Variants in DMD observed in about 807,000 individuals in gnomAD.
DMD encodes dystrophin, also known as mutant dystrophin.
Under a neutral mutation model 330.1 loss-of-function variants are expected in DMD, and 63 were observed. The observed-to-expected ratio is 0.19, with a 90% CI of 0.16 to 0.24. DMD has a LOEUF of 0.24. Among genes scored for constraint, DMD ranks in the 10% least tolerant of loss-of-function variants. The pLI is 1.00. For synonymous variants in DMD, 1,223 were observed against 959.8 expected (o/e 1.27, Z -5.07); for missense variants, 3,344 against 2,684.1 (o/e 1.25, Z -5.43).
At chrX:33,331,928 TTGAA>T (rs1364314089) in intron 1 of DMD, among the ~76,000 whole-genome samples, 6 of 111,849 alleles carry the variant, frequency 5.4e-5, no homozygotes, top group Non-Finnish European at 1.1e-4. Flanking sequence ...AGTATATATA[TTGAA>T]TATTTAAAGT....
At chrX:31,608,014 C>A (rs2077699672) in intron 55 of DMD, among the ~76,000 whole-genome samples, 2 of 111,608 alleles carry the variant, frequency 1.8e-5, no homozygotes, top group South Asian at 7.4e-4. Context: ...AACAATAAAT[C>A]CATGCCAATT....
intron 60 of DMD, among the ~76,000 whole-genome samples, chrX:31,395,206 ATAATACAAGGTTGGAAAGACTT>A (rs1393149530): frequency 8.9e-6 from 1 of 112,143 alleles, no homozygotes; most frequent in Non-Finnish European, 1.9e-5. Context: ...AAGGAAGAAA[ATAATACAAGGTTGGAAAGACTT>A]TGGAGCTTAG....
chrX:32,684,996 C>T (rs1016643814), intron 9 of DMD, among the ~76,000 whole-genome samples: 3 of 111,588 alleles, frequency 2.7e-5, no homozygotes, highest in African/African-American at 6.5e-5. Context: ...TTATTGACTC[C>T]ATAAATAATT....
chrX:31,875,684 T>G (rs1215056316), intron 47 of DMD, among the ~76,000 whole-genome samples: 1 of 112,210 alleles, frequency 8.9e-6, no homozygotes, highest in Non-Finnish European at 1.9e-5. Context: ...AAGAAATACA[T>G]CTTTCATTTA....
At chrX:32,462,965 A>T (rs757332017) in intron 25 of DMD, among the ~76,000 whole-genome samples, 33 of 111,472 alleles carry the variant, frequency 3.0e-4, no homozygotes, top group African/African-American at 1.1e-3. Context: ...GTCCCAAAAA[A>T]TAAAATAAAT....
intron 17 of DMD, among the ~76,000 whole-genome samples, chrX:32,520,565 C>A (rs997611519): frequency 9.0e-6 from 1 of 111,583 alleles, no homozygotes; most frequent in Non-Finnish European, 1.9e-5. Context: ...AGCTCCCTTG[C>A]CCCTCAGTTG....
At chrX:31,780,610 G>A (rs892806563) in intron 50 of DMD, among the ~76,000 whole-genome samples, 15 of 112,007 alleles carry the variant, frequency 1.3e-4, no homozygotes, top group Non-Finnish European at 1.7e-4. Context: ...AATGAATTCC[G>A]TAAGAATTCA....
chrX:31,692,975 A>G (rs765283658), intron 52 of DMD, among the ~76,000 whole-genome samples: 1 of 112,069 alleles, frequency 8.9e-6, no homozygotes, highest in East Asian at 2.8e-4. Context: ...ACTACAAGGA[A>G]AGAAAACTAT....
intron 4 of DMD, among the ~76,000 whole-genome samples, chrX:32,825,111 A>C (rs975423105): frequency 8.9e-6 from 1 of 112,007 alleles, no homozygotes; most frequent in African/African-American, 3.2e-5. Context: ...AATTCTAGTG[A>C]TAGTGACAAT....
intron 44 of DMD, among the ~76,000 whole-genome samples, chrX:31,991,352 G>T (rs1316622070): frequency 9.0e-6 from 1 of 111,133 alleles, no homozygotes; most frequent in Non-Finnish European, 1.9e-5. Flanking sequence ...CAATTACAAC[G>T]TAAGGTACTA....
At chrX:32,406,019 G>A (rs982687023) in intron 30 of DMD, among the ~76,000 whole-genome samples, 22 of 111,249 alleles carry the variant, frequency 2.0e-4, no homozygotes, top group South Asian at 3.8e-4. Context: ...AAGCAATTGC[G>A]AATGGGAGTT....
chrX:31,319,411 G>C (rs2056266804), intron 62 of DMD, among the ~76,000 whole-genome samples: 1 of 112,239 alleles, frequency 8.9e-6, no homozygotes, highest in Non-Finnish European at 1.9e-5. Context: ...GCCATTCCTT[G>C]AGGTTAAAGG....
intron 2 of DMD, among the ~76,000 whole-genome samples, chrX:32,986,066 T>G (rs2092836572): frequency 8.9e-6 from 1 of 111,968 alleles, no homozygotes; most frequent in African/African-American, 3.2e-5. Context: ...TCACTTTCCC[T>G]CTCTGTAAAA....
At chrX:32,147,852 C>T (rs1240297070) in intron 44 of DMD, among the ~76,000 whole-genome samples, 9 of 105,972 alleles carry the variant, frequency 8.5e-5, no homozygotes, top group Admixed American at 7.3e-4. Flanking sequence ...CATTTTCTAA[C>T]TGTATACACT....
intron 9 of DMD, among the ~76,000 whole-genome samples, chrX:32,665,339 G>A (rs758527797): frequency 6.8e-4 from 76 of 111,157 alleles, no homozygotes; most frequent in African/African-American, 2.3e-3. Context: ...TAGTGTTCTC[G>A]TCTGAAAATG....
intron 52 of DMD, among the ~76,000 whole-genome samples, chrX:31,688,211 T>C (rs899552962): frequency 9.1e-6 from 1 of 110,446 alleles, no homozygotes. Flanking sequence ...ACAGAATTGA[T>C]AGACCGCTAG....
At chrX:32,730,160 C>G (rs771363177) in intron 7 of DMD, among the ~76,000 whole-genome samples, 1 of 111,603 alleles carries the variant, frequency 9.0e-6, no homozygotes, top group Non-Finnish European at 1.9e-5. Context: ...AAGCAAGACC[C>G]TGTCTCTACA....
intron 2 of DMD, among the ~76,000 whole-genome samples, chrX:32,868,949 GAGACCCACC>G (rs1378748160): frequency 5.4e-5 from 6 of 111,789 alleles, no homozygotes; most frequent in Non-Finnish European, 7.5e-5. Context: ...CTGACTGGGT[GAGACCCACC>G]CCCAACAGCA....
rs550683097 is a variant in DMD at position 31,346,675 on chromosome X, C to T, written c.9163+1881G>A. On this transcript the variant is annotated intron_variant, in intron 61 of 78. Transcript: ENST00000357033. ...TATAAAAACATAATTAATAAAATAGCAAAACCAGTAAATAAAAAGAATGGC... is the reference window on the plus strand; with the variant it reads ...TATAAAAACATAATTAATAAAATAGTAAAACCAGTAAATAAAAAGAATGGC... 1.5e-4 allele frequency among the ~76,000 whole-genome samples: 16 copies of T among 109,870 alleles called. No individual in the cohort carries two copies. The South Asian group carries it at 5.9e-3, about 40-fold the overall frequency.
Sources: gnomAD v4.1 joint callset for allele counts (sites outside exome capture counted in the v4.1 genomes callset) on GRCh38, gnomAD v4.1.1 for gene constraint, MANE v1.5 for transcripts, NCBI Gene and HGNC (gene_info 2026-07-23, HGNC 2026-07-21) for gene names.